Variants in OTUD7B observed in about 807,000 individuals in gnomAD.
OTUD7B encodes the protein OTU deubiquitinase 7B, also known as OTU domain-containing protein 7B.
Under a neutral mutation model 82.2 loss-of-function variants are expected in OTUD7B, and 34 were observed. That is an observed-to-expected ratio of 0.41 (90% CI 0.31 to 0.55). The LOEUF is 0.55. Among genes scored for constraint, OTUD7B ranks in the 20% least tolerant of loss-of-function variants. The pLI, the probability that OTUD7B is intolerant of heterozygous loss-of-function variation, is 0.20. For missense variants in OTUD7B, 944 were observed against 1,062.1 expected, an observed-to-expected ratio of 0.89 and a Z score of 1.55; for synonymous variants, 398 against 402.7, an observed-to-expected ratio of 0.99 and a Z score of 0.14.
chr1:149,958,209 T>TC (rs1272634754), intron 7 of OTUD7B, among the ~76,000 whole-genome samples: 5 of 149,924 alleles, frequency 3.3e-5, no homozygotes, highest in Non-Finnish European at 5.9e-5. Flanking sequence ...TTTACCTACC[T>TC]CCCCCATCAC....
At chr1:150,029,537 C>A in the OTUD7B span, among the ~76,000 whole-genome samples, 1 of 152,132 alleles carries the variant, frequency 6.6e-6, no homozygotes, top group African/African-American at 2.4e-5. Context: ...CAAGAATGAA[C>A]TTACTGGAGG....
At chr1:150,066,144 T>C in the OTUD7B span, among the ~76,000 whole-genome samples, 2 of 152,294 alleles carry the variant, frequency 1.3e-5, no homozygotes, top group Admixed American at 1.3e-4. The surrounding 1 kb of genome is among the most constrained non-coding windows in gnomAD (Gnocchi z 4.6). Context: ...ATCTAAATTA[T>C]AGGTAAGAAA....
intron 1 of OTUD7B, among the ~76,000 whole-genome samples, chr1:149,983,796 G>A (rs2101880306): frequency 6.6e-6 from 1 of 152,324 alleles, no homozygotes; most frequent in East Asian, 1.9e-4. Context: ...TGGTTACAAT[G>A]TGAAGAGTTT....
At position 149,957,369 on chromosome 1, in the gene OTUD7B, A is replaced by T. The variant is rs1233632163; in HGVS notation, c.845+2315T>A. Among the ~76,000 whole-genome samples the T allele has an allele frequency of 3.3e-5, 5 of 151,652 alleles. No homozygotes were observed. In the East Asian group the frequency reaches 9.6e-4, roughly 29 times the overall value. ...AACAGCAAATATTGCAGAACGGCAA[A>T]TGTTGCTGCCTGATCCTTTCTCTGG... On this transcript the variant is annotated intron_variant, in intron 7 of 11. Transcript: ENST00000581312.
intron 7 of OTUD7B, 63 bp from the exon 8 acceptor site, chr1:149,950,284 A>T (rs1648090288): frequency 6.6e-7 from 1 of 1,510,204 alleles, no homozygotes; most frequent in African/African-American, 1.4e-5. Context: ...TAGAAACAGG[A>T]GACCCTGAAG....
At position 149,959,687 on chromosome 1, in the gene OTUD7B, C is replaced by G. The variant is rs782170838; in HGVS notation, c.842G>C (p.Gly281Ala). The stretch of plus-strand genomic sequence containing the variant: ...TCCCCTACTTAGCCATACTTACCCA[C>G]CACAGTTGGCTCCATTGGTACCTAG... Reference protein sequence around the residue: ...MHLGTNGANCGGVESSEEPVY... With the variant: ...MHLGTNGANCAGVESSEEPVY... Residue 281 changes from glycine (G) to alanine (A), a missense_variant, in exon 7 of 12, where the codon GGT becomes GCT. Around this residue, in one of 3 missense-constraint regions of OTUD7B, gnomAD observed 530 missense variants for 625.6 expected, o/e 0.85. Transcript: ENST00000581312. 5.0e-6 allele frequency: 8 copies of G among 1,606,260 alleles called. No homozygotes were observed. The highest frequency in any genetic ancestry group is 5.1e-6 in the Non-Finnish European group (6 of 1,173,008).
At chr1:150,011,552 CATA>C, upstream of OTUD7B, among the ~76,000 whole-genome samples, 1 of 152,290 alleles carries the variant, frequency 6.6e-6, no homozygotes, top group African/African-American at 2.4e-5. Context: ...GCTATGAGAA[CATA>C]ATAAGCCATC....
the OTUD7B span, among the ~76,000 whole-genome samples, chr1:150,064,312 G>A: frequency 6.6e-6 from 1 of 152,140 alleles, no homozygotes; most frequent in South Asian, 2.1e-4. Context: ...CTAGTTGTAT[G>A]ACACAAGTAA....
intron 1 of OTUD7B, among the ~76,000 whole-genome samples, chr1:149,992,464 T>A (rs1468059455): frequency 8.3e-5 from 8 of 96,464 alleles, no homozygotes; most frequent in African/African-American, 2.8e-4. Flanking sequence ...TTTGTGTGCA[T>A]GTGTTTTTTT....
the OTUD7B span, among the ~76,000 whole-genome samples, chr1:150,057,276 T>C: frequency 5.9e-5 from 9 of 152,342 alleles, no homozygotes; most frequent in Non-Finnish European, 1.3e-4. Context: ...AGTTTTGGTC[T>C]TTGTACTATG....
At chr1:150,026,747 T>C in the OTUD7B span, among the ~76,000 whole-genome samples, 3 of 151,954 alleles carry the variant, frequency 2.0e-5, no homozygotes, top group African/African-American at 4.8e-5. Flanking sequence ...AAGTGAAAAG[T>C]GAAGAGAGAG....
At chr1:150,044,669 C>CAAA in the OTUD7B span, among the ~76,000 whole-genome samples, 16 of 125,372 alleles carry the variant, frequency 1.3e-4, no homozygotes, top group African/African-American at 5.9e-4. Context: ...GATTCTGTCT[C>CAAA]AAAAAATAAT....
intron 2 of OTUD7B, among the ~76,000 whole-genome samples, chr1:149,973,343 G>T (rs1553777962): frequency 6.6e-6 from 1 of 152,196 alleles, no homozygotes. Flanking sequence ...AGGCTCACTT[G>T]AGCTCAGGAG....
At chr1:149,982,148 CTAAA>C (rs587666436) in intron 1 of OTUD7B, among the ~76,000 whole-genome samples, 2 of 150,752 alleles carry the variant, frequency 1.3e-5, no homozygotes, top group South Asian at 2.1e-4. Flanking sequence ...GACTCCATCT[CTAAA>C]TAAATAAATA....
the OTUD7B span, among the ~76,000 whole-genome samples, chr1:150,045,625 T>C: frequency 6.6e-6 from 1 of 152,224 alleles, no homozygotes; most frequent in Admixed American, 6.5e-5. Flanking sequence ...ATACTTTTAA[T>C]TAGATAGTAA....
chr1:149,946,741 GA>G (rs1553772237), intron 11 of OTUD7B, among the ~76,000 whole-genome samples: 9 of 79,546 alleles, frequency 1.1e-4, no homozygotes, highest in African/African-American at 2.8e-4. Flanking sequence ...GACTTCCTCT[GA>G]AAAAAAAAAA....
At chr1:149,949,535 C>T (rs1395648720) in intron 9 of OTUD7B, 94 bp downstream of exon 9, 3 of 1,298,826 alleles carry the variant, frequency 2.3e-6, no homozygotes, top group Non-Finnish European at 3.3e-6. Flanking sequence ...GCTGTCTGGG[C>T]TTGCATGTCA....
chr1:149,944,362 G>A lies in OTUD7B; in HGVS notation c.2027C>T (p.Pro676Leu), dbSNP rs184817451. Residue 676 changes from proline to leucine, a missense_variant, in exon 12 of 12, where the codon CCG becomes CTG. Transcript: ENST00000581312. ...CCTGGACTCTGCTGGGGGACCGGTC[G>A]GCTGCTCTTCCCTAGCATCTGGCTC... ...KPEPDAREEQ[P>L]TGPPAESRAM... 6.2e-6 allele frequency: 10 copies of A among 1,613,492 alleles called. No individual in the cohort carries two copies. In the East Asian group the frequency reaches 1.3e-4, roughly 22 times the overall value.
At position 149,950,947 on chromosome 1, in the gene OTUD7B, T is replaced by A. The variant is rs1571601009; in HGVS notation, c.846-726A>T. ...GCCGGGACTACAGGCACCCGCCACC[T>A]CGCCCGGTCTAATTTTTTGTACTTT... On this transcript the variant is annotated intron_variant, in intron 7 of 11. Coordinates refer to ENST00000581312, the MANE Select transcript of OTUD7B (RefSeq NM_020205.4). Among the ~76,000 whole-genome samples the A allele has an allele frequency of 2.8e-3, 3 of 1,082 alleles. 1 individual carries two copies. The highest frequency in any genetic ancestry group is 0.036 in the East Asian group (2 of 56). The allele number at this position is 1,082 out of a possible 152,430, so 0.7% of individuals were successfully genotyped here.
Sources: gnomAD v4.1 joint callset for allele counts (sites outside exome capture counted in the v4.1 genomes callset) on GRCh38, gnomAD v4.1.1 for gene constraint, gnomAD v4.1.1 regional missense constraint, Gnocchi (gnomAD v3.1) non-coding constraint, MANE v1.5 for transcripts, NCBI Gene and HGNC (gene_info 2026-07-23, HGNC 2026-07-21) for gene names.